MGLL: variants seen among roughly 807,000 people sequenced by gnomAD.
The protein encoded by MGLL is lysophospholipase homolog.
Under a neutral mutation model 29.1 loss-of-function variants are expected in MGLL, and 7 were observed. That is an observed-to-expected ratio of 0.24 (90% CI 0.14 to 0.45). The LOEUF (loss-of-function observed/expected upper bound fraction) is 0.45, where lower values mean the gene tolerates loss of function less well. Among genes scored for constraint, MGLL ranks in the 20% least tolerant of loss-of-function variants. MGLL has a pLI of 0.99. For missense variants in MGLL, 356 were observed against 413.6 expected, an observed-to-expected ratio of 0.86 and a Z score of 1.21; for synonymous variants, 148 against 168.3, an observed-to-expected ratio of 0.88 and a Z score of 0.93.
intron 7 of MGLL, 77 bp downstream of exon 7, chr3:127,694,898 C>A: frequency 2.1e-6 from 3 of 1,462,430 alleles, no homozygotes; most frequent in Non-Finnish European, 2.9e-6. Flanking sequence ...AGGGTCTGGG[C>A]AGATGTGCCC....
intron 5 of MGLL, among the ~76,000 whole-genome samples, chr3:127,714,935 C>T (rs2075786833): frequency 6.6e-6 from 1 of 152,226 alleles, no homozygotes; most frequent in Non-Finnish European, 1.5e-5. Context: ...GGGCACAGCA[C>T]ACCCATCCCA....
At chr3:127,704,522 C>A (rs2075560796) in intron 6 of MGLL, among the ~76,000 whole-genome samples, 1 of 152,144 alleles carries the variant, frequency 6.6e-6, no homozygotes, top group Non-Finnish European at 1.5e-5. Flanking sequence ...TATCCAGAAT[C>A]TACAAGGAAT....
intron 3 of MGLL, among the ~76,000 whole-genome samples, chr3:127,744,756 C>T (rs1344676247): frequency 2.0e-5 from 3 of 152,108 alleles, no homozygotes; most frequent in East Asian, 3.8e-4. Flanking sequence ...GCTTTTACAC[C>T]GCCGGACACG....
intron 3 of MGLL, among the ~76,000 whole-genome samples, chr3:127,743,396 T>C (rs1205113640): frequency 6.6e-6 from 1 of 152,098 alleles, no homozygotes; most frequent in East Asian, 1.9e-4. Flanking sequence ...GTTTGTTTTC[T>C]ATGCTCCTGC....
At chr3:127,747,228 A>G (rs1291029123) in intron 3 of MGLL, among the ~76,000 whole-genome samples, 1 of 152,148 alleles carries the variant, frequency 6.6e-6, no homozygotes, top group South Asian at 2.1e-4. Flanking sequence ...CCAGGCCTCC[A>G]GGCAGCAACC....
intron 3 of MGLL, among the ~76,000 whole-genome samples, chr3:127,727,704 T>TAAAAA (rs1177079179): frequency 1.4e-4 from 11 of 80,704 alleles, no homozygotes; most frequent in Admixed American, 3.3e-4. Flanking sequence ...AGAGCAAGGC[T>TAAAAA]AAAAAAAAAA....
intron 3 of MGLL, among the ~76,000 whole-genome samples, chr3:127,740,341 A>T (rs764449604): frequency 8.6e-5 from 13 of 151,330 alleles, no homozygotes; most frequent in Non-Finnish European, 1.6e-4. Context: ...CCCTGCCCCC[A>T]CCCCCTGGCA....
intron 6 of MGLL, among the ~76,000 whole-genome samples, chr3:127,710,243 C>A (rs2075685306): frequency 6.6e-6 from 1 of 152,206 alleles, no homozygotes; most frequent in South Asian, 2.1e-4. Flanking sequence ...ATGTCTGAAG[C>A]CTTCAGTTCC....
chr3:127,767,149 T>C (rs1324315314), intron 3 of MGLL, among the ~76,000 whole-genome samples: 1 of 81,028 alleles, frequency 1.2e-5, no homozygotes, highest in African/African-American at 4.6e-5. Flanking sequence ...CTTCCTCATA[T>C]TCTCCATCAT....
At chr3:127,696,540 G>C (rs1298879186) in intron 6 of MGLL, among the ~76,000 whole-genome samples, 1 of 149,948 alleles carries the variant, frequency 6.7e-6, no homozygotes, top group African/African-American at 2.5e-5. Context: ...CAGCTTCCCA[G>C]GTAGCTGGGA....
chr3:127,766,766 C>T (rs1339925004), intron 3 of MGLL, among the ~76,000 whole-genome samples: 5 of 152,088 alleles, frequency 3.3e-5, no homozygotes, highest in African/African-American at 1.2e-4. Context: ...CCTTAGTTTA[C>T]CTCTTTAAAA....
chr3:127,723,624 C>T (rs958726459), intron 3 of MGLL, among the ~76,000 whole-genome samples: 2 of 152,184 alleles, frequency 1.3e-5, no homozygotes, highest in Non-Finnish European at 2.9e-5. Context: ...AGCACTCCCC[C>T]TTTCCTTGCC....
intron 2 of MGLL, among the ~76,000 whole-genome samples, chr3:127,818,460 C>CTT (rs978863107): frequency 6.6e-6 from 1 of 151,982 alleles, no homozygotes; most frequent in Non-Finnish European, 1.5e-5. Context: ...TTTCCCGCCT[C>CTT]TGTCTTCTGA....
At position 127,748,764 on chromosome 3, in the gene MGLL, T is replaced by C. The variant is rs145363384; in HGVS notation, c.263-26198A>G. ...TCCCTGCTGTTGAAGCTCCCCAGTCTGTAGAATTTTGTTATGCTGGCCCTA... is the reference window on the plus strand; with the variant it reads ...TCCCTGCTGTTGAAGCTCCCCAGTCCGTAGAATTTTGTTATGCTGGCCCTA... On this transcript the variant is annotated intron_variant, in intron 3 of 7. Coordinates refer to ENST00000265052, the MANE Select transcript of MGLL (RefSeq NM_007283.7). 5.6e-3 allele frequency among the ~76,000 whole-genome samples: 855 copies of C among 152,288 alleles called. 6 individuals are homozygous for C. The highest frequency in any genetic ancestry group is 0.02 in the African/African-American group (810 of 41,536).
At chr3:127,778,666 G>A (rs1158608568) in intron 3 of MGLL, among the ~76,000 whole-genome samples, 1 of 152,224 alleles carries the variant, frequency 6.6e-6, no homozygotes, top group Non-Finnish European at 1.5e-5. Context: ...GGGCCCTGCA[G>A]CAGTGTTTTC....
intron 4 of MGLL, 125 bp from the exon 5 acceptor site, chr3:127,721,288 T>G (rs2075916459): frequency 5.3e-6 from 4 of 748,412 alleles, no homozygotes; most frequent in Non-Finnish European, 2.3e-6. Context: ...GAGGACTACC[T>G]TGGAAGAGGC....
At chr3:127,734,311 G>A (rs1048175946) in intron 3 of MGLL, among the ~76,000 whole-genome samples, 13 of 152,190 alleles carry the variant, frequency 8.5e-5, no homozygotes, top group Non-Finnish European at 1.9e-4. Flanking sequence ...CAGCGAGGCC[G>A]GCCTAGAGTA....
At chr3:127,760,572 T>C (rs943593615) in intron 3 of MGLL, among the ~76,000 whole-genome samples, 1 of 152,234 alleles carries the variant, frequency 6.6e-6, no homozygotes, top group Non-Finnish European at 1.5e-5. Flanking sequence ...ACGGCACCCC[T>C]GACAGACTGC....
chr3:127,689,767 G>A lies in MGLL; in HGVS notation c.*2431C>T, dbSNP rs1418772198. 4 of 152,236 alleles carry A rather than the reference G, an allele frequency of 2.6e-5. No individual in the cohort carries two copies. The highest frequency in any genetic ancestry group is 6.5e-5 in the Admixed American group (1 of 15,288). 9.4% of individuals were successfully genotyped at this position (152,236 alleles called of 1,614,324 possible). On this transcript the variant is annotated 3_prime_UTR_variant, in exon 8 of 8. Coordinates refer to ENST00000265052, the MANE Select transcript of MGLL (RefSeq NM_007283.7). Reference sequence around the variant, plus strand: ...TCACAGCTTTCCAAGGACAGGGACCGGCTCTGGAGTGGCCGTGCGTGAGAT... The same window carrying A: ...TCACAGCTTTCCAAGGACAGGGACCAGCTCTGGAGTGGCCGTGCGTGAGAT...
Sources: allele counts gnomAD v4.1 joint callset (sites outside exome capture counted in the v4.1 genomes callset), GRCh38; gene constraint gnomAD v4.1.1; transcripts MANE v1.5; gene names NCBI Gene and HGNC (gene_info 2026-07-23, HGNC 2026-07-21).